Variants in CDC25A observed in about 807,000 individuals in gnomAD.
CDC25A encodes cell division cycle 25A, also known as M-phase inducer phosphatase 1.
In CDC25A, 17 loss-of-function variants were observed where a neutral mutation model predicts 64.6. The observed-to-expected ratio is 0.26, with a 90% CI of 0.18 to 0.39. CDC25A has a LOEUF of 0.39. CDC25A is among the 10% of genes least tolerant of loss of function. The pLI, the probability that CDC25A is intolerant of heterozygous loss-of-function variation, is 1.00. For synonymous variants in CDC25A, 229 were observed against 238.6 expected (o/e 0.96, Z 0.37); for missense variants, 473 against 654.8 (o/e 0.72, Z 3.03).
At chr3:48,184,050 T>C (rs920747608) in intron 3 of CDC25A, among the ~76,000 whole-genome samples, 1 of 151,982 alleles carries the variant, frequency 6.6e-6, no homozygotes, top group South Asian at 2.1e-4. Flanking sequence ...CCCATGTCTT[T>C]TCTTAAAATA....
At chr3:48,173,174 C>T (rs1225902878) in intron 9 of CDC25A, among the ~76,000 whole-genome samples, 29 of 136,330 alleles carry the variant, frequency 2.1e-4, no homozygotes, top group African/African-American at 7.3e-4. Context: ...GCTGAGATCG[C>T]GCCACTGCAC....
chr3:48,182,805 A>C, intron 5 of CDC25A, 124 bp downstream of exon 5: 1 of 642,160 alleles, frequency 1.6e-6, no homozygotes, highest in South Asian at 2.0e-5. Flanking sequence ...GAATTCTCTG[A>C]CTCCAAAGAC....
chr3:48,174,387 G>T lies in CDC25A; in HGVS notation c.827C>A (p.Pro276Gln). The T allele has an allele frequency of 6.2e-7, 1 of 1,614,102 alleles. No individual in the cohort carries two copies. Among genetic ancestry groups the T allele is most frequent in the Non-Finnish European group, 8.5e-7 (1 of 1,179,994 alleles). Residue 276 changes from proline to glutamine, a missense_variant, in exon 9 of 15, where the codon CCA (proline) becomes CAA (glutamine). This residue lies in a region of CDC25A where 376 missense variants were observed against 431.9 expected (regional missense o/e 0.87). Transcript: ENST00000302506. ...TGGAGACTCCTCTTGAGATCGTTCTGGTCTCTTCAACACTGACCGAGTGCT... is the reference window on the plus strand; with the variant it reads ...TGGAGACTCCTCTTGAGATCGTTCTTGTCTCTTCAACACTGACCGAGTGCT... ...SSSTRSVLKR[P>Q]ERSQEESPPG...
chr3:48,181,894 C>T (rs550927777), intron 5 of CDC25A, among the ~76,000 whole-genome samples: 1 of 151,960 alleles, frequency 6.6e-6, no homozygotes, highest in East Asian at 1.9e-4. Flanking sequence ...TCAAATACAA[C>T]CTGATTGTCC....
At position 48,177,830 on chromosome 3, in the gene CDC25A, AACAC is replaced by A. The variant is rs3731514; in HGVS notation, c.684+20_684+23del. ...GTAATTAATTAGTAGAACAAATAGGAACACACACACACACACACGGTACCTTCAG... is the reference window on the plus strand; with the variant it reads ...GTAATTAATTAGTAGAACAAATAGGAACACACACACACACGGTACCTTCAG... On this transcript the variant is annotated intron_variant, in intron 7 of 14. Transcript: ENST00000302506. 6.0e-3 allele frequency: 7,307 copies of A among 1,217,878 alleles called. 1 individual carries two copies. The highest frequency in any genetic ancestry group is 6.3e-3 in the Non-Finnish European group (5,575 of 885,946). 75.4% of individuals were successfully genotyped at this position (1,217,878 alleles called of 1,614,324 possible). A position where few individuals can be genotyped will look rare whatever the true frequency, so the allele number is the denominator to read the frequency against.
chr3:48,172,377 T>C (rs2032300679), intron 9 of CDC25A, among the ~76,000 whole-genome samples: 1 of 152,256 alleles, frequency 6.6e-6, no homozygotes, highest in Non-Finnish European at 1.5e-5. Flanking sequence ...TGAGATTTAC[T>C]TAAACCTTTT....
intron 12 of CDC25A, among the ~76,000 whole-genome samples, chr3:48,164,956 A>T (rs1295207106): frequency 1.3e-5 from 2 of 151,416 alleles, no homozygotes; most frequent in Admixed American, 1.3e-4. Flanking sequence ...AAAAAAAAAA[A>T]AAAATTAGCC....
chr3:48,165,780 A>G, intron 11 of CDC25A, 46 bp from the exon 12 acceptor site: 1 of 1,592,510 alleles, frequency 6.3e-7, no homozygotes, highest in South Asian at 1.1e-5. Context: ...CGTCAGGGAA[A>G]ACTAGATTCA....
rs2032390310 is a variant in CDC25A, at chr3:48,174,586, G to A, written c.757-129C>T. ...TCTAAATTAGCCAACAGACACTGCC[G>A]ATTCATCTAGTCCTAGCAACTCTCA... On this transcript the variant is annotated intron_variant, in intron 8 of 14. Coordinates refer to ENST00000302506, the MANE Select transcript of CDC25A (RefSeq NM_001789.3). 8 of 831,954 alleles carry A rather than the reference G, an allele frequency of 9.6e-6. No homozygotes were observed. In the East Asian group the frequency reaches 1.6e-4, roughly 17 times the overall value. The allele number at this position is 831,954 out of a possible 1,614,324, so 51.5% of individuals were successfully genotyped here.
intron 9 of CDC25A, 122 bp downstream of exon 9, chr3:48,174,162 C>T: frequency 1.1e-6 from 1 of 897,386 alleles, no homozygotes; most frequent in Non-Finnish European, 1.7e-6. Flanking sequence ...CACACACACA[C>T]ACAACCCCAC....
intron 9 of CDC25A, among the ~76,000 whole-genome samples, chr3:48,168,827 A>G (rs1275098980): frequency 6.6e-6 from 1 of 151,730 alleles, no homozygotes; most frequent in African/African-American, 2.4e-5. Flanking sequence ...TAATTTTTGT[A>G]TTTTTAGTAG....
intron 10 of CDC25A, among the ~76,000 whole-genome samples, chr3:48,166,607 A>C (rs2106703608): frequency 6.6e-6 from 1 of 152,336 alleles, no homozygotes; most frequent in Middle Eastern, 3.4e-3. Context: ...GGGGATAGGA[A>C]AAAAAGAGAC....
chr3:48,162,927 G>A (rs926969676), intron 13 of CDC25A, among the ~76,000 whole-genome samples: 3 of 151,934 alleles, frequency 2.0e-5, no homozygotes, highest in African/African-American at 7.2e-5. Context: ...AAGGAGAGAG[G>A]ATTGCTTGAG....
chr3:48,166,051 G>A (rs1040483329), intron 10 of CDC25A, among the ~76,000 whole-genome samples, 158 bp from the exon 11 acceptor site: 6 of 152,196 alleles, frequency 3.9e-5, no homozygotes, highest in East Asian at 1.9e-4. Flanking sequence ...TTGGGAGGCC[G>A]AGGCTAGTGG....
At chr3:48,175,257 C>G (rs1026371625) in intron 8 of CDC25A, among the ~76,000 whole-genome samples, 1 of 152,030 alleles carries the variant, frequency 6.6e-6, no homozygotes, top group Non-Finnish European at 1.5e-5. Flanking sequence ...AGATTTGCAC[C>G]ACTGCACTCC....
At chr3:48,181,524 C>T (rs976608754) in intron 5 of CDC25A, 7 of 1,305,204 alleles carry the variant, frequency 5.4e-6, no homozygotes, top group South Asian at 1.3e-5. Flanking sequence ...CTCGGGGTCG[C>T]GGTCGGCACT....
At chr3:48,168,698 G>A (rs1275051204) in intron 9 of CDC25A, among the ~76,000 whole-genome samples, 1 of 151,054 alleles carries the variant, frequency 6.6e-6, no homozygotes, top group African/African-American at 2.4e-5. Flanking sequence ...TACAGGAGTG[G>A]AGTGCAGGCT....
chr3:48,165,418 A>G (rs542597417), intron 12 of CDC25A, among the ~76,000 whole-genome samples: 3 of 27,316 alleles, frequency 1.1e-4, no homozygotes, highest in Admixed American at 6.2e-4. Context: ...AGGGACAAAC[A>G]TGAAGAATAA....
At position 48,158,665 on chromosome 3, in the gene CDC25A, CCACTGTGGCTCAGAG is replaced by C; in HGVS notation, c.*265_*279del. ...CCGATAAGGCCCCGGCTGGTTCATCCCACTGTGGCTCAGAGCAGCTTGACACGGTGCTCAGAACTG... is the reference window on the plus strand; with the variant it reads ...CCGATAAGGCCCCGGCTGGTTCATCCCAGCTTGACACGGTGCTCAGAACTG... On this transcript the variant is annotated 3_prime_UTR_variant, in exon 15 of 15. Coordinates refer to ENST00000302506, the MANE Select transcript of CDC25A (RefSeq NM_001789.3). 1 of 313,904 alleles carries C rather than the reference CCACTGTGGCTCAGAG, an allele frequency of 3.2e-6. No individual in the cohort carries two copies. Among genetic ancestry groups the C allele is most frequent in the Admixed American group, 4.3e-5 (1 of 23,030 alleles). 19.4% of individuals were successfully genotyped at this position (313,904 alleles called of 1,614,324 possible).
Sources: gnomAD v4.1 joint callset for allele counts (sites outside exome capture counted in the v4.1 genomes callset) on GRCh38, gnomAD v4.1.1 for gene constraint, gnomAD v4.1.1 regional missense constraint, MANE v1.5 for transcripts, NCBI Gene and HGNC (gene_info 2026-07-23, HGNC 2026-07-21) for gene names.